Variants in GRIK4 observed in about 807,000 individuals in gnomAD.
GRIK4 encodes glutamate receptor ionotropic, kainate 4.
In GRIK4, 40 loss-of-function variants were observed where a neutral mutation model predicts 104.9. That is an observed-to-expected ratio of 0.38 (90% CI 0.30 to 0.50). The LOEUF is 0.50. Among genes scored for constraint, GRIK4 ranks in the 20% least tolerant of loss-of-function variants. The pLI is 0.93. For synonymous variants in GRIK4, 485 were observed against 524.9 expected, an observed-to-expected ratio of 0.92 and a Z score of 1.04; for missense variants, 1,047 against 1,308.1, an observed-to-expected ratio of 0.80 and a Z score of 3.08.
chr11:120,527,270 A>T (rs1484737700), intron 1 of GRIK4, among the ~76,000 whole-genome samples: 2 of 152,172 alleles, frequency 1.3e-5, no homozygotes, highest in African/African-American at 4.8e-5. Context: ...GAATGTGGAG[A>T]GCAGCCTCAG....
intron 11 of GRIK4, among the ~76,000 whole-genome samples, chr11:120,897,794 T>C (rs1942627849): frequency 2.6e-5 from 4 of 151,812 alleles, no homozygotes; most frequent in Admixed American, 2.6e-4. Flanking sequence ...TTTCTATTAT[T>C]ATCCCCATTT....
chr11:120,658,812 G>C (rs1216252994), intron 2 of GRIK4, among the ~76,000 whole-genome samples: 9 of 125,856 alleles, frequency 7.2e-5, no homozygotes, highest in African/African-American at 2.6e-4. Flanking sequence ...GCAGTGGCAC[G>C]ATCTCGGCTC....
At chr11:120,692,371 G>C (rs1489096208) in intron 3 of GRIK4, among the ~76,000 whole-genome samples, 3 of 152,186 alleles carry the variant, frequency 2.0e-5, no homozygotes, top group Non-Finnish European at 2.9e-5. Context: ...CTGAGTGCTG[G>C]GGATACAGAG....
chr11:120,940,768 G>A lies in GRIK4; in HGVS notation c.1590+308G>A, dbSNP rs1184172111. Reference sequence around the variant, plus strand: ...GCCCCATGGGTCACTTTGCTCCCTTGCCTGCAGCCCAGATAAGTCACCCTA... The same window carrying A: ...GCCCCATGGGTCACTTTGCTCCCTTACCTGCAGCCCAGATAAGTCACCCTA... On this transcript the variant is annotated intron_variant, in intron 14 of 20. Transcript: ENST00000527524. This position sits in a 1 kb window ranked among gnomAD's most constrained non-coding sequence, Gnocchi z 4.3. Among the ~76,000 whole-genome samples, 2 of 152,106 alleles carry A rather than the reference G, an allele frequency of 1.3e-5. No individual in the cohort carries two copies. Among genetic ancestry groups the A allele is most frequent in the Non-Finnish European group, 2.9e-5 (2 of 68,012 alleles).
chr11:120,633,168 G>T (rs1466234478), intron 1 of GRIK4, among the ~76,000 whole-genome samples: 1 of 152,156 alleles, frequency 6.6e-6, no homozygotes, highest in Non-Finnish European at 1.5e-5. Context: ...GTGACAGTGA[G>T]TTCAGAGTCT....
chr11:120,827,832 C>T (rs1256997426), intron 6 of GRIK4, among the ~76,000 whole-genome samples: 4 of 152,194 alleles, frequency 2.6e-5, no homozygotes, highest in Non-Finnish European at 4.4e-5. Flanking sequence ...GGGCTTTGGT[C>T]TTTCCTTGAC....
At chr11:120,976,176 G>A (rs1944558127) in intron 19 of GRIK4, among the ~76,000 whole-genome samples, 1 of 152,200 alleles carries the variant, frequency 6.6e-6, no homozygotes, top group Non-Finnish European at 1.5e-5. Flanking sequence ...ATAATTGAAT[G>A]AGATAGCAAA....
Position 120,659,711 on chromosome 11 carries a change from C to T in GRIK4, c.-50-558C>T, listed in dbSNP as rs368078273. Among the ~76,000 whole-genome samples, 225 of 152,288 alleles carry T rather than the reference C, an allele frequency of 1.5e-3. 7 individuals are homozygous for T. In the South Asian group the frequency reaches 0.045, roughly 31 times the overall value. ...CTTCCTCTTCTGCTCACCCATGGCT[C>T]CAATTCCTTAAGGGCAGATGAGGGT... On this transcript the variant is annotated intron_variant, in intron 2 of 20. Coordinates refer to ENST00000527524, the MANE Select transcript of GRIK4 (RefSeq NM_014619.5).
At position 120,563,160 on chromosome 11, in the gene GRIK4, C is replaced by T. The variant is rs541248534; in HGVS notation, c.-159+51273C>T. 1.1e-4 allele frequency among the ~76,000 whole-genome samples: 16 copies of T among 152,322 alleles called. No homozygotes were observed. The East Asian group carries it at 2.9e-3, about 28-fold the overall frequency. On this transcript the variant is annotated intron_variant, in intron 1 of 20. Coordinates refer to ENST00000527524, the MANE Select transcript of GRIK4 (RefSeq NM_014619.5). ...GTTGCAGAGGAAGTGGGCTCTTTCT[C>T]TATTAGACATACTCGCAGTGTCTAG...
At chr11:120,710,325 C>A (rs1262495545) in intron 3 of GRIK4, among the ~76,000 whole-genome samples, 1 of 152,174 alleles carries the variant, frequency 6.6e-6, no homozygotes, top group Non-Finnish European at 1.5e-5. Flanking sequence ...ATGAGCTGGG[C>A]CGAGTCACCG....
At chr11:120,567,408 C>A (rs1268337052) in intron 1 of GRIK4, among the ~76,000 whole-genome samples, 1 of 152,302 alleles carries the variant, frequency 6.6e-6, no homozygotes, top group African/African-American at 2.4e-5. Flanking sequence ...ATCCTCCCAC[C>A]TCGGCCTCCC....
intron 8 of GRIK4, among the ~76,000 whole-genome samples, chr11:120,861,671 G>T (rs1286244677): frequency 6.6e-6 from 1 of 152,264 alleles, no homozygotes; most frequent in African/African-American, 2.4e-5. Context: ...TGTGCCTAGT[G>T]CTGCCCCCAC....
chr11:120,626,341 G>A (rs1187140802), intron 1 of GRIK4, among the ~76,000 whole-genome samples: 1 of 152,168 alleles, frequency 6.6e-6, no homozygotes, highest in Non-Finnish European at 1.5e-5. Flanking sequence ...GGGTTTAAAT[G>A]ATTTAGATGC....
intron 3 of GRIK4, among the ~76,000 whole-genome samples, chr11:120,680,245 T>G (rs1275578998): frequency 6.6e-6 from 1 of 152,192 alleles, no homozygotes; most frequent in Non-Finnish European, 1.5e-5. Context: ...GCCTGGCTAA[T>G]TTTTATATTT....
chr11:120,682,742 C>CT, intron 3 of GRIK4, among the ~76,000 whole-genome samples: 1 of 152,110 alleles, frequency 6.6e-6, no homozygotes, highest in East Asian at 1.9e-4. Context: ...CTCTTCCCTG[C>CT]TTAAACCCTT....
chr11:120,892,492 G>C (rs1592048508), intron 11 of GRIK4, among the ~76,000 whole-genome samples: 3 of 152,130 alleles, frequency 2.0e-5, no homozygotes, highest in Admixed American at 6.5e-5. Context: ...GCTGGGGAGG[G>C]GTGAGGCTCG....
intron 6 of GRIK4, among the ~76,000 whole-genome samples, chr11:120,824,614 A>G (rs1386691948): frequency 1.4e-5 from 2 of 145,034 alleles, no homozygotes; most frequent in Admixed American, 1.4e-4. Flanking sequence ...CAGTGGCGCA[A>G]TCTCAGCTCA....
At chr11:120,960,865 G>C in intron 16 of GRIK4, 44 bp from the exon 17 acceptor site, 1 of 1,547,766 alleles carries the variant, frequency 6.5e-7, no homozygotes, top group Non-Finnish European at 8.9e-7. Context: ...AAGACTCCAG[G>C]GAGTGCCCGG....
intron 11 of GRIK4, among the ~76,000 whole-genome samples, chr11:120,886,424 G>A: frequency 6.6e-6 from 1 of 152,322 alleles, no homozygotes; most frequent in East Asian, 1.9e-4. Context: ...GAAAGCATGT[G>A]TGTTAGGTAA....
Sources: allele counts gnomAD v4.1 joint callset (sites outside exome capture counted in the v4.1 genomes callset), GRCh38; gene constraint gnomAD v4.1.1; non-coding constraint Gnocchi (gnomAD v3.1); transcripts MANE v1.5; gene names NCBI Gene and HGNC (gene_info 2026-07-23, HGNC 2026-07-21).